MYO18B: variants seen among roughly 807,000 people sequenced by gnomAD.
The protein encoded by MYO18B is myosin XVIIIB.
A neutral mutation model predicts 273.0 loss-of-function variants in MYO18B; 204 were observed. The observed-to-expected ratio is 0.75, with a 90% CI of 0.67 to 0.84. MYO18B has a LOEUF of 0.84. MYO18B is among the 40% of genes least tolerant of loss of function. The pLI is 0.00. For missense variants in MYO18B, 3,212 were observed against 3,287.6 expected, an observed-to-expected ratio of 0.98 and a Z score of 0.56; for synonymous variants, 1,330 against 1,305.7, an observed-to-expected ratio of 1.02 and a Z score of -0.40.
At chr22:26,030,317 CAGTGAGCTATGA>C (rs1412050193) in intron 43 of MYO18B, 114 bp from the exon 44 acceptor site, 2 of 152,430 alleles carry the variant, frequency 1.3e-5, no homozygotes, top group African/African-American at 4.8e-5. Flanking sequence ...CTGGAGGCTG[CAGTGAGCTATGA>C]TTGCACCACT....
intron 18 of MYO18B, among the ~76,000 whole-genome samples, chr22:25,845,177 A>T (rs1008635242): frequency 6.6e-6 from 1 of 152,230 alleles, no homozygotes; most frequent in Non-Finnish European, 1.5e-5. Context: ...TAGTTGGCTC[A>T]TGGAAGAGGG....
chr22:25,788,191 A>G (rs2087483781), intron 11 of MYO18B, among the ~76,000 whole-genome samples: 1 of 152,230 alleles, frequency 6.6e-6, no homozygotes, highest in South Asian at 2.1e-4. Context: ...GTATCAAGAG[A>G]ATGTTTTCTC....
intron 39 of MYO18B, among the ~76,000 whole-genome samples, chr22:25,986,193 C>T (rs1601759042): frequency 6.6e-6 from 1 of 152,206 alleles, no homozygotes; most frequent in East Asian, 1.9e-4. Context: ...AATGAGTTAA[C>T]CTCTCTGAGC....
intron 37 of MYO18B, among the ~76,000 whole-genome samples, chr22:25,952,038 G>A (rs983748085): frequency 2.0e-5 from 3 of 152,178 alleles, no homozygotes; most frequent in African/African-American, 7.2e-5. Context: ...CAATTGTGAA[G>A]GCATAAGAAG....
chr22:25,898,538 G>C, intron 29 of MYO18B, 77 bp downstream of exon 29: 1 of 1,520,368 alleles, frequency 6.6e-7, no homozygotes, highest in South Asian at 1.2e-5. Context: ...GGGTATCCAG[G>C]TTCTCCTAAC....
chr22:25,757,604 CA>C (rs1160729418), intron 1 of MYO18B, among the ~76,000 whole-genome samples: 6 of 150,614 alleles, frequency 4.0e-5, no homozygotes, highest in Non-Finnish European at 8.9e-5. Context: ...AAAAAGCCAA[CA>C]AAAAAATAAA....
intron 41 of MYO18B, 89 bp downstream of exon 41, chr22:26,003,398 A>T: frequency 8.6e-7 from 1 of 1,158,906 alleles, no homozygotes; most frequent in Non-Finnish European, 1.3e-6. Flanking sequence ...ATCCATGTCC[A>T]CTTGGAGAAT....
chr22:26,014,355 CTA>C (rs1442589330), intron 42 of MYO18B, among the ~76,000 whole-genome samples: 1 of 152,184 alleles, frequency 6.6e-6, no homozygotes, highest in African/African-American at 2.4e-5. Context: ...TTTCACTTTT[CTA>C]TGTGTCCATC....
chr22:25,834,440 A>T (rs1018496374), intron 16 of MYO18B, among the ~76,000 whole-genome samples: 11 of 152,188 alleles, frequency 7.2e-5, no homozygotes, highest in Non-Finnish European at 1.5e-4. Flanking sequence ...TCCATCCGGG[A>T]GACCCTGGAT....
intron 37 of MYO18B, among the ~76,000 whole-genome samples, chr22:25,951,439 C>G (rs1408254919): frequency 1.3e-5 from 2 of 152,202 alleles, no homozygotes; most frequent in African/African-American, 4.8e-5. Flanking sequence ...TTACTCTTGG[C>G]CTGTGCTTGT....
intron 25 of MYO18B, among the ~76,000 whole-genome samples, chr22:25,881,609 G>T (rs994560525): frequency 3.9e-5 from 6 of 152,184 alleles, no homozygotes; most frequent in African/African-American, 1.4e-4. Flanking sequence ...TGCATCGGCT[G>T]TTGGGGGAGA....
intron 17 of MYO18B, among the ~76,000 whole-genome samples, chr22:25,840,940 ATT>A (rs945561353): frequency 2.6e-5 from 4 of 152,190 alleles, no homozygotes; most frequent in African/African-American, 9.7e-5. Context: ...TAATTATGAC[ATT>A]TTGGTTAAAA....
chr22:25,840,718 C>T (rs375006190), intron 17 of MYO18B, among the ~76,000 whole-genome samples: 3 of 152,078 alleles, frequency 2.0e-5, no homozygotes, highest in Non-Finnish European at 4.4e-5. Flanking sequence ...GTAAAAGAGA[C>T]GGAAAGTAGG....
At chr22:25,915,408 T>C (rs1207033040) in intron 33 of MYO18B, among the ~76,000 whole-genome samples, 2 of 152,222 alleles carry the variant, frequency 1.3e-5, no homozygotes, top group East Asian at 1.9e-4. Flanking sequence ...CATGTTACTG[T>C]ACTGAATTTG....
chr22:25,785,538 G>A, intron 11 of MYO18B, 47 bp downstream of exon 11: 1 of 1,580,648 alleles, frequency 6.3e-7, no homozygotes. Flanking sequence ...TGTGTCTGGG[G>A]CTAGATGGGA....
chr22:25,910,952 CA>C lies in MYO18B; in HGVS notation c.5267del (p.Gln1756ArgfsTer26). On this transcript the variant is annotated frameshift_variant, in exon 33 of 44. Transcript: ENST00000335473. LOFTEE classifies it high-confidence loss of function. ...VRQSCQKRLH[Q>X]LEMQLEQEYE... ...CTTCCCTGTGTATCCACAGCTTCAT[CA>C]GCTGGAAATGCAGCTGGAGCAAGAG... 1 of 1,589,652 alleles carries C rather than the reference CA, an allele frequency of 6.3e-7. No homozygotes were observed. Among genetic ancestry groups the C allele is most frequent in the Admixed American group, 1.8e-5 (1 of 56,592 alleles).
At position 25,843,858 on chromosome 22, in the gene MYO18B, C is replaced by T. The variant is rs1411192445; in HGVS notation, c.3332C>T (p.Ala1111Val). The T allele has an allele frequency of 6.2e-7, 1 of 1,612,674 alleles. No homozygotes were observed. Among genetic ancestry groups the T allele is most frequent in the Non-Finnish European group, 8.5e-7 (1 of 1,178,806 alleles). Residue 1111 changes from alanine (A) to valine (V), a missense_variant, in exon 18 of 44, where the codon GCC becomes GTC. Ala to Val is a moderately conservative substitution (Grantham distance 64). Transcript: ENST00000335473. ...WLHRAKPNLSALDAPQVLHQS... is the reference protein window; with the variant it reads ...WLHRAKPNLSVLDAPQVLHQS... Reference sequence around the variant, plus strand: ...CACAGAGCCAAGCCCAACCTCTCGGCCCTGGATGCACCCCAGGTCCTGCAC... The same window carrying T: ...CACAGAGCCAAGCCCAACCTCTCGGTCCTGGATGCACCCCAGGTCCTGCAC...
At chr22:25,923,208 G>C (rs1429091316) in intron 34 of MYO18B, among the ~76,000 whole-genome samples, 1 of 152,210 alleles carries the variant, frequency 6.6e-6, no homozygotes, top group African/African-American at 2.4e-5. Flanking sequence ...AAGACACTGG[G>C]AGGGCCCTTC....
At position 25,763,218 on chromosome 22, in the gene MYO18B, T is replaced by G; in HGVS notation, c.40-13T>G. ...CTCACTGAGCTCTCTCTTTCCTTGC[T>G]TCTGCAAAACAGATTCGGGAAGAGG... On this transcript the variant is annotated splice_polypyrimidine_tract_variant and intron_variant, in intron 2 of 43. Coordinates refer to ENST00000335473, the MANE Select transcript of MYO18B (RefSeq NM_032608.7). 1 of 1,608,344 alleles carries G rather than the reference T, an allele frequency of 6.2e-7. No homozygotes were observed. Among genetic ancestry groups the G allele is most frequent in the South Asian group, 1.1e-5 (1 of 90,890 alleles).
Sources: allele counts gnomAD v4.1 joint callset (sites outside exome capture counted in the v4.1 genomes callset), GRCh38; gene constraint gnomAD v4.1.1; transcripts MANE v1.5; gene names NCBI Gene and HGNC (gene_info 2026-07-23, HGNC 2026-07-21).